MPHOSPH8: variants seen among roughly 807,000 people sequenced by gnomAD.
The protein encoded by MPHOSPH8 is M-phase phosphoprotein 8.
Under a neutral mutation model 87.3 loss-of-function variants are expected in MPHOSPH8, and 45 were observed. The observed-to-expected ratio is 0.52, with a 90% CI of 0.41 to 0.66. MPHOSPH8 has a LOEUF of 0.66. MPHOSPH8 is among the 30% of genes least tolerant of loss of function. The pLI is 0.00. For synonymous variants in MPHOSPH8, 366 were observed against 376.9 expected (o/e 0.97, Z 0.33); for missense variants, 883 against 1,020.2 (o/e 0.87, Z 1.83).
chr13:19,646,741 A>C lies in MPHOSPH8; in HGVS notation c.668A>C (p.Glu223Ala). Residue 223 changes from glutamate to alanine, a missense_variant, in exon 3 of 14, where the codon GAA becomes GCA. Around this residue, in one of 3 missense-constraint regions of MPHOSPH8, gnomAD observed 741 missense variants for 841.5 expected, o/e 0.88. Transcript: ENST00000361479. ...AAGCCCAAAAAAGATGAAGTAAAAG[A>C]AACAAAAGAATTAAAGAAAGTTAAA... ...SKKPKKDEVK[E>A]TKELKKVKKG... The C allele has an allele frequency of 6.3e-7, 1 of 1,586,624 alleles. No individual in the cohort carries two copies. The highest frequency in any genetic ancestry group is 8.5e-7 in the Non-Finnish European group (1 of 1,170,422).
chr13:19,659,903 A>C (rs1313939681), intron 7 of MPHOSPH8, among the ~76,000 whole-genome samples: 1 of 150,636 alleles, frequency 6.6e-6, no homozygotes, highest in African/African-American at 2.4e-5. Flanking sequence ...ATTTACAACA[A>C]TGGTCCATCT....
chr13:19,656,345 AATT>A (rs1177847849), intron 5 of MPHOSPH8, among the ~76,000 whole-genome samples: 1 of 152,048 alleles, frequency 6.6e-6, no homozygotes, highest in Non-Finnish European at 1.5e-5. Context: ...TCTACAAATA[AATT>A]ATTAGAAGTA....
chr13:19,644,895 TTTCTC>T (rs1385804943), intron 2 of MPHOSPH8, among the ~76,000 whole-genome samples: 5 of 152,136 alleles, frequency 3.3e-5, no homozygotes, highest in Non-Finnish European at 5.9e-5. Context: ...TTTTGTTTGT[TTTCTC>T]TTCTGTTTTA....
At chr13:19,654,329 G>T (rs9578181) in intron 5 of MPHOSPH8, among the ~76,000 whole-genome samples, 16 of 151,948 alleles carry the variant, frequency 1.1e-4, no homozygotes, top group African/African-American at 3.6e-4. Context: ...GGCCTGTCAG[G>T]GGGTAGGGGC....
chr13:19,634,048 C>A, intron 1 of MPHOSPH8, 87 bp downstream of exon 1: 1 of 1,340,342 alleles, frequency 7.5e-7, no homozygotes, highest in Non-Finnish European at 1.0e-6. Context: ...ACGGGCAGAC[C>A]CAAAACAGGA....
intron 8 of MPHOSPH8, 146 bp from the exon 9 acceptor site, chr13:19,662,894 G>T (rs779240512): frequency 1.5e-6 from 1 of 685,194 alleles, no homozygotes; most frequent in Non-Finnish European, 2.5e-6. Context: ...GTGCACCCCC[G>T]TGGCCCCACG....
In MPHOSPH8 at chr13:19,642,119, A is replaced by G; in HGVS notation, c.218A>G (p.Lys73Arg). Residue 73 changes from lysine to arginine, a missense_variant, in exon 2 of 14, where the codon AAA becomes AGA. Physicochemically the swap from Lys to Arg is conservative, Grantham distance 26. Coordinates refer to ENST00000361479, the MANE Select transcript of MPHOSPH8 (RefSeq NM_017520.4). ...KILDMKTEGG[K>R]VLYKVRWKGY... The stretch of plus-strand genomic sequence containing the variant: ...TCCTTTTATTTTCTATAACAGGGTA[A>G]AGTTCTTTACAAAGTTCGCTGGAAA... 1.3e-6 allele frequency: 2 copies of G among 1,563,952 alleles called. No individual in the cohort carries two copies. The highest frequency in any genetic ancestry group is 1.7e-6 in the Non-Finnish European group (2 of 1,160,112).
At chr13:19,643,754 A>T (rs1874424140) in intron 2 of MPHOSPH8, among the ~76,000 whole-genome samples, 1 of 152,156 alleles carries the variant, frequency 6.6e-6, no homozygotes, top group Non-Finnish European at 1.5e-5. Context: ...CCTTCATACC[A>T]GCCCCTGTGT....
chr13:19,671,768 GT>G, intron 13 of MPHOSPH8, 65 bp from the exon 14 acceptor site: 1 of 1,510,740 alleles, frequency 6.6e-7, no homozygotes, highest in Non-Finnish European at 9.1e-7. Flanking sequence ...CCATTTGTGG[GT>G]TTTTTCTTGT....
At chr13:19,665,348 T>C (rs1464074817) in intron 9 of MPHOSPH8, among the ~76,000 whole-genome samples, 1 of 152,188 alleles carries the variant, frequency 6.6e-6, no homozygotes, top group East Asian at 1.9e-4. Flanking sequence ...AAAAACCTTT[T>C]TATCTGAGGA....
chr13:19,637,942 A>G (rs1039085980), intron 1 of MPHOSPH8, among the ~76,000 whole-genome samples: 2 of 151,354 alleles, frequency 1.3e-5, no homozygotes, highest in African/African-American at 4.9e-5. Flanking sequence ...TCTACTAAAA[A>G]TACAAAAAAT....
At position 19,668,549 on chromosome 13, in the gene MPHOSPH8, T is replaced by C. The variant is rs950950361; in HGVS notation, c.2329+18T>C. On this transcript the variant is annotated intron_variant, in intron 11 of 13. Coordinates refer to ENST00000361479, the MANE Select transcript of MPHOSPH8 (RefSeq NM_017520.4). ...ACCAGAAGGTAAGCCGATGCCTCCC[T>C]TCACACTTTTCTATGTGAAGTGTGA... 2 of 1,603,506 alleles carry C rather than the reference T, an allele frequency of 1.2e-6. No homozygotes were observed. The highest frequency in any genetic ancestry group is 1.3e-5 in the African/African-American group (1 of 74,568).
chr13:19,658,031 T>C (rs1875291754), intron 5 of MPHOSPH8, among the ~76,000 whole-genome samples: 2 of 152,358 alleles, frequency 1.3e-5, no homozygotes, highest in East Asian at 1.9e-4. Flanking sequence ...TTAACATGTC[T>C]TATGATTGCT....
intron 4 of MPHOSPH8, among the ~76,000 whole-genome samples, chr13:19,648,741 TAAAAAACC>T (rs1874698302): frequency 6.7e-6 from 1 of 150,358 alleles, no homozygotes; most frequent in African/African-American, 2.5e-5. Flanking sequence ...TGCTAAATTT[TAAAAAACC>T]TTTTAATATA....
At chr13:19,643,921 G>A (rs1432873338) in intron 2 of MPHOSPH8, among the ~76,000 whole-genome samples, 1 of 151,942 alleles carries the variant, frequency 6.6e-6, no homozygotes, top group Non-Finnish European at 1.5e-5. Context: ...GGAGAACTCT[G>A]GTCACAACAG....
At chr13:19,671,778 G>C in intron 13 of MPHOSPH8, 56 bp from the exon 14 acceptor site, 2 of 1,561,196 alleles carry the variant, frequency 1.3e-6, no homozygotes, top group African/African-American at 1.4e-5. Flanking sequence ...GTTTTTTCTT[G>C]TAAGAAAGGG....
intron 9 of MPHOSPH8, among the ~76,000 whole-genome samples, chr13:19,665,762 C>T (rs1179430251): frequency 6.6e-6 from 1 of 152,206 alleles, no homozygotes; most frequent in African/African-American, 2.4e-5. Flanking sequence ...ATCCTCTTTT[C>T]GCAAATGGAA....
At chr13:19,664,566 G>A (rs1016824898) in intron 9 of MPHOSPH8, among the ~76,000 whole-genome samples, 12 of 152,190 alleles carry the variant, frequency 7.9e-5, no homozygotes, top group Non-Finnish European at 1.6e-4. Flanking sequence ...CATAGATTGA[G>A]AAGAAGATAG....
chr13:19,645,642 G>C (rs755469158), intron 2 of MPHOSPH8, among the ~76,000 whole-genome samples: 19 of 151,676 alleles, frequency 1.3e-4, no homozygotes, highest in Non-Finnish European at 2.8e-4. Context: ...TCTAATCCCA[G>C]CTATTCGTGA....
Sources: gnomAD v4.1 joint callset for allele counts (sites outside exome capture counted in the v4.1 genomes callset) on GRCh38, gnomAD v4.1.1 for gene constraint, gnomAD v4.1.1 regional missense constraint, MANE v1.5 for transcripts, NCBI Gene and HGNC (gene_info 2026-07-23, HGNC 2026-07-21) for gene names.